The following PTPRN2 variants were observed in gnomAD, a reference collection of about 807,000 sequenced individuals.
PTPRN2 encodes the protein protein tyrosine phosphatase receptor type N2.
Under a neutral mutation model 118.8 loss-of-function variants are expected in PTPRN2, and 74 were observed. The observed-to-expected ratio is 0.62, with a 90% CI of 0.52 to 0.76. The LOEUF (loss-of-function observed/expected upper bound fraction) is 0.76. Ranked by LOEUF, PTPRN2 falls within the 30% of genes least tolerant of loss-of-function variation. The pLI is 0.00. For missense variants in PTPRN2, 1,481 were observed against 1,394.4 expected, an observed-to-expected ratio of 1.06 and a Z score of -0.99; for synonymous variants, 641 against 608.0, an observed-to-expected ratio of 1.05 and a Z score of -0.80.
chr7:158,198,928 C>A (rs1459209802), intron 4 of PTPRN2, among the ~76,000 whole-genome samples: 3 of 118,612 alleles, frequency 2.5e-5, no homozygotes, highest in Non-Finnish European at 5.3e-5. Context: ...TTAGCATGTT[C>A]TTCTCAGGTT....
Position 158,441,351 on chromosome 7 carries a change from G to A in PTPRN2, c.163+48384C>T, listed in dbSNP as rs1241228358. ...GATGGTGATGGTGATCAGTGATGGT[G>A]GTGATGGTGATGGCAGTGGTGGCAG... On this transcript the variant is annotated intron_variant, in intron 2 of 22. Coordinates refer to ENST00000389418, the MANE Select transcript of PTPRN2 (RefSeq NM_002847.5). 2.0e-5 allele frequency among the ~76,000 whole-genome samples: 3 copies of A among 148,844 alleles called. No homozygotes were observed. In the East Asian group the frequency reaches 5.9e-4, roughly 29 times the overall value.
Position 157,881,497 on chromosome 7 carries a change from T to G in PTPRN2, c.1788+17176A>C, listed in dbSNP as rs1796127439. 6.6e-6 allele frequency among the ~76,000 whole-genome samples: 1 copy of G among 152,080 alleles called. No homozygotes were observed. The highest frequency in any genetic ancestry group is 2.4e-5 in the African/African-American group (1 of 41,390). On this transcript the variant is annotated intron_variant, in intron 12 of 22. Transcript: ENST00000389418. This position sits in a 1 kb window ranked among gnomAD's most constrained non-coding sequence, Gnocchi z 4.7. ...ACCAGGATTGTGAGCAATAAAGGTT[T>G]GTGACTGAAGCCCCCCACTCTGCAG...
intron 11 of PTPRN2, among the ~76,000 whole-genome samples, chr7:157,941,466 T>C: frequency 7.7e-6 from 1 of 129,292 alleles, no homozygotes; most frequent in Non-Finnish European, 1.6e-5. Flanking sequence ...ACACTGCAAA[T>C]ATAACCCCCT....
chr7:157,945,657 C>T lies in PTPRN2; in HGVS notation c.1724-46920G>A, dbSNP rs374023784. ...GATGCCGCCTCCAAGTCAGACGATG[C>T]CGCCTCCAGCTTGGACGATGCCGCC... On this transcript the variant is annotated intron_variant, in intron 11 of 22. Transcript: ENST00000389418. Among the ~76,000 whole-genome samples the T allele has an allele frequency of 4.8e-4, 73 of 150,972 alleles. 1 individual carries two copies. The South Asian group carries it at 0.016, about 33-fold the overall frequency.
At chr7:157,778,932 G>A (rs893367943) in intron 12 of PTPRN2, among the ~76,000 whole-genome samples, 3 of 152,258 alleles carry the variant, frequency 2.0e-5, no homozygotes, top group Admixed American at 6.5e-5. Flanking sequence ...TGAAAACAAT[G>A]ATGAAGCCAC....
intron 10 of PTPRN2, among the ~76,000 whole-genome samples, chr7:158,101,853 T>C (rs1177341420): frequency 1.3e-5 from 2 of 152,164 alleles, no homozygotes; most frequent in African/African-American, 4.8e-5. Context: ...CCCTTCTTCA[T>C]TCTGGCCCAC....
intron 3 of PTPRN2, among the ~76,000 whole-genome samples, chr7:158,294,051 A>G (rs1800298075): frequency 6.6e-6 from 1 of 152,250 alleles, no homozygotes; most frequent in Non-Finnish European, 1.5e-5. Flanking sequence ...GCACAGCTAG[A>G]CTAGACTTTC....
chr7:158,279,558 G>A (rs1799269302), intron 3 of PTPRN2, among the ~76,000 whole-genome samples: 1 of 152,222 alleles, frequency 6.6e-6, no homozygotes, highest in Non-Finnish European at 1.5e-5. Context: ...CCAGGGAAGA[G>A]GGAATGGCAG....
chr7:157,817,423 GA>G (rs1428262032), intron 12 of PTPRN2, among the ~76,000 whole-genome samples: 1 of 152,136 alleles, frequency 6.6e-6, no homozygotes, highest in African/African-American at 2.4e-5. Flanking sequence ...AGGCTGTGGG[GA>G]AAGGAGAGGT....
At chr7:158,193,086 C>T (rs2150708010) in intron 4 of PTPRN2, among the ~76,000 whole-genome samples, 1 of 152,358 alleles carries the variant, frequency 6.6e-6, no homozygotes, top group Admixed American at 6.5e-5. Flanking sequence ...AACAGTGATT[C>T]ACGCACCGCC....
rs111465334 is a variant in PTPRN2, at chr7:157,614,092, C to T, written c.2344+7270G>A. The T allele has an allele frequency of 1.4e-3, 665 of 468,968 alleles. 8 individuals are homozygous for T. The highest frequency in any genetic ancestry group is 0.012 in the African/African-American group (607 of 49,148). The allele number at this position is 468,968 out of a possible 1,614,324, so 29.1% of individuals were successfully genotyped here. A position where few individuals can be genotyped will look rare whatever the true frequency, so the allele number is the denominator to read the frequency against. ...ACCGGCCAATCAGAACACAGGGAAC[C>T]ATGAAAGAGGTGGGAGGAGGAAAAA... On this transcript the variant is annotated intron_variant, in intron 15 of 22. Coordinates refer to ENST00000389418, the MANE Select transcript of PTPRN2 (RefSeq NM_002847.5).
chr7:157,746,277 G>C (rs1208357545), intron 12 of PTPRN2, among the ~76,000 whole-genome samples: 1 of 151,238 alleles, frequency 6.6e-6, no homozygotes, highest in Non-Finnish European at 1.5e-5. Context: ...CAAGAGCATG[G>C]AGATCATGGG....
intron 1 of PTPRN2, among the ~76,000 whole-genome samples, chr7:158,581,798 C>T (rs1370432915): frequency 2.0e-5 from 3 of 152,228 alleles, no homozygotes; most frequent in Admixed American, 6.5e-5. Flanking sequence ...CATCATCTCT[C>T]GTTTCTTTGT....
chr7:157,744,665 T>A (rs1385874723), intron 12 of PTPRN2, among the ~76,000 whole-genome samples: 6 of 152,206 alleles, frequency 3.9e-5, no homozygotes, highest in Non-Finnish European at 5.9e-5. Context: ...TTTAAATGTG[T>A]GAGGCACTTC....
chr7:157,908,963 T>C (rs569110631), intron 11 of PTPRN2, among the ~76,000 whole-genome samples: 1 of 152,328 alleles, frequency 6.6e-6, no homozygotes, highest in Admixed American at 6.5e-5. Context: ...ATCATTTCTG[T>C]CTAAAACACC....
intron 2 of PTPRN2, among the ~76,000 whole-genome samples, chr7:158,388,076 C>T (rs1811641883): frequency 6.6e-6 from 1 of 152,294 alleles, no homozygotes; most frequent in East Asian, 1.9e-4. Context: ...GCCTTCTCCC[C>T]ACAGAAAATA....
chr7:158,286,045 G>A (rs1472381008), intron 3 of PTPRN2, among the ~76,000 whole-genome samples: 2 of 152,170 alleles, frequency 1.3e-5, no homozygotes, highest in Non-Finnish European at 2.9e-5. Context: ...CGGGAAACAT[G>A]CCCTCCAGCT....
At chr7:158,326,991 T>C (rs1217462549) in intron 2 of PTPRN2, among the ~76,000 whole-genome samples, 2 of 146,316 alleles carry the variant, frequency 1.4e-5, no homozygotes, top group African/African-American at 5.1e-5. Flanking sequence ...ATACACATTC[T>C]CAGATGCACA....
At chr7:158,146,524 A>G (rs888565901) in intron 6 of PTPRN2, among the ~76,000 whole-genome samples, 1 of 152,058 alleles carries the variant, frequency 6.6e-6, no homozygotes, top group Admixed American at 6.6e-5. Context: ...GATCAAGACC[A>G]TCCTGACTAA....
Sources: allele counts gnomAD v4.1 joint callset (sites outside exome capture counted in the v4.1 genomes callset), GRCh38; gene constraint gnomAD v4.1.1; non-coding constraint Gnocchi (gnomAD v3.1); transcripts MANE v1.5; gene names NCBI Gene and HGNC (gene_info 2026-07-23, HGNC 2026-07-21).